AQR: variants seen among roughly 807,000 people sequenced by gnomAD.
AQR encodes the protein RNA helicase aquarius.
In AQR, 61 loss-of-function variants were observed where a neutral mutation model predicts 180.5. The ratio of observed to expected loss-of-function variants is 0.34; its 90% CI spans 0.28 to 0.42. The LOEUF is 0.42. AQR is among the 10% of genes least tolerant of loss of function. The pLI, the probability that AQR is intolerant of heterozygous loss-of-function variation, is 1.00. For synonymous variants in AQR, 551 were observed against 588.8 expected, an observed-to-expected ratio of 0.94 and a Z score of 0.93; for missense variants, 1,281 against 1,798.3, an observed-to-expected ratio of 0.71 and a Z score of 5.20.
chr15:34,938,670 A>G (rs1299485865), intron 9 of AQR, 67 bp downstream of exon 9: 6 of 988,342 alleles, frequency 6.1e-6, no homozygotes, highest in African/African-American at 1.6e-5. Context: ...TAGATTAGAG[A>G]TGAGTAAATA....
At chr15:34,938,652 A>G in intron 9 of AQR, 85 bp downstream of exon 9, 1 of 860,486 alleles carries the variant, frequency 1.2e-6, no homozygotes, top group Non-Finnish European at 1.9e-6. Context: ...CATTCCAAGA[A>G]CAGTTTTTAG....
At chr15:34,925,666 C>T (rs1893749835) in intron 13 of AQR, among the ~76,000 whole-genome samples, 2 of 152,022 alleles carry the variant, frequency 1.3e-5, no homozygotes, top group Admixed American at 6.6e-5. Flanking sequence ...GGTGAAACCC[C>T]ATCTTTGCTA....
chr15:34,954,539 T>A (rs1894279163), intron 3 of AQR, among the ~76,000 whole-genome samples: 1 of 152,038 alleles, frequency 6.6e-6, no homozygotes, highest in Non-Finnish European at 1.5e-5. Flanking sequence ...ACTCCTGGGC[T>A]CAAGTAATCC....
chr15:34,896,296 A>G (rs549738092), intron 22 of AQR, among the ~76,000 whole-genome samples: 18 of 152,336 alleles, frequency 1.2e-4, no homozygotes, highest in Admixed American at 1.1e-3. Context: ...CAATGTATAC[A>G]GTCATCAAAA....
intron 27 of AQR, among the ~76,000 whole-genome samples, chr15:34,878,385 CAA>C (rs5811839): frequency 2.8e-3 from 118 of 41,650 alleles, no homozygotes; most frequent in African/African-American, 0.01. Context: ...GACTCTGTCT[CAA>C]AAAAAAAAAA....
intron 2 of AQR, among the ~76,000 whole-genome samples, chr15:34,963,528 A>G (rs1386757855): frequency 6.6e-6 from 1 of 152,208 alleles, no homozygotes; most frequent in Non-Finnish European, 1.5e-5. Context: ...TAAATGAACT[A>G]TCAAAAACTT....
At chr15:34,932,547 C>A (rs1893881086) in intron 10 of AQR, 113 bp from the exon 11 acceptor site, 7 of 721,762 alleles carry the variant, frequency 9.7e-6, no homozygotes, top group South Asian at 7.4e-5. Flanking sequence ...TACCCTCCAA[C>A]CTTCCAATAG....
At position 34,943,291 on chromosome 15, in the gene AQR, GC is replaced by G; in HGVS notation, c.471+996del. ...ACAAAGATTGTGCTAAGGCTTGAGT[GC>G]ATTGAGCCCAACTGCAGATCTAAGA... is the stretch of plus-strand genomic sequence containing the variant. On this transcript the variant is annotated intron_variant, in intron 6 of 34. Transcript: ENST00000156471. The G allele has an allele frequency of 2.6e-6, 4 of 1,564,446 alleles. No homozygotes were observed. In the South Asian group the frequency reaches 4.4e-5, roughly 17 times the overall value.
At chr15:34,868,115 G>C (rs1892763948) in intron 31 of AQR, 1 of 153,192 alleles carries the variant, frequency 6.5e-6, no homozygotes, top group African/African-American at 2.4e-5. Flanking sequence ...CAGATCGCTT[G>C]AGCCCAGGAG....
chr15:34,863,278 C>G (rs919039579), intron 32 of AQR: 2 of 394,360 alleles, frequency 5.1e-6, no homozygotes, highest in African/African-American at 4.0e-5. Context: ...ACAAAATAAC[C>G]AATGCACTTA....
chr15:34,904,102 AT>A (rs768335472), intron 19 of AQR, among the ~76,000 whole-genome samples: 4 of 152,228 alleles, frequency 2.6e-5, no homozygotes, highest in Non-Finnish European at 5.9e-5. Flanking sequence ...ATTCATCTAT[AT>A]TTTAAGTTTT....
At chr15:34,924,253 C>T (rs1893723503) in intron 13 of AQR, among the ~76,000 whole-genome samples, 1 of 152,112 alleles carries the variant, frequency 6.6e-6, no homozygotes, top group South Asian at 2.1e-4. Context: ...TTACTTCAAC[C>T]AAAACAATAT....
At chr15:34,862,768 A>G in intron 33 of AQR, 99 bp downstream of exon 33, 1 of 1,275,738 alleles carries the variant, frequency 7.8e-7, no homozygotes, top group Non-Finnish European at 1.1e-6. Context: ...GGACTAAATT[A>G]TCTATAATAA....
chr15:34,940,015 C>CA (rs796754894), intron 8 of AQR, among the ~76,000 whole-genome samples: 31 of 150,816 alleles, frequency 2.1e-4, no homozygotes, highest in South Asian at 6.3e-4. Context: ...GCTGGTGTTT[C>CA]AAAAAAAAAT....
intron 3 of AQR, among the ~76,000 whole-genome samples, chr15:34,953,629 T>C (rs7179833): frequency 0.77 from 117,046 of 152,176 alleles, 45,615 homozygotes; most frequent in Middle Eastern, 0.87. Flanking sequence ...AGACAGAATA[T>C]TGCCAAAGTA....
rs1227002929 is a variant in AQR at position 34,887,124 on chromosome 15, CA to C, written c.2682-464del. On this transcript the variant is annotated intron_variant, in intron 24 of 34. Transcript: ENST00000156471. ...TGGGCGACAAAGCAAGACTCCGTCT[CA>C]AAAAAAAAAAAGAAAAAGCTACTTA... Among the ~76,000 whole-genome samples the C allele has an allele frequency of 6.0e-3, 739 of 123,778 alleles. 1 individual carries two copies. The highest frequency in any genetic ancestry group is 9.3e-3 in the Admixed American group (113 of 12,092). 81.2% of individuals were successfully genotyped at this position (123,778 alleles called of 152,430 possible). A position where few individuals can be genotyped will look rare whatever the true frequency, so the allele number is the denominator to read the frequency against.
intron 29 of AQR, 87 bp downstream of exon 29, chr15:34,874,588 AAT>A: frequency 6.7e-7 from 1 of 1,489,302 alleles, no homozygotes; most frequent in Non-Finnish European, 9.2e-7. Context: ...CAAGAATGCT[AAT>A]AGTCTACACA....
intron 15 of AQR, among the ~76,000 whole-genome samples, chr15:34,916,237 G>A (rs1893583381): frequency 6.6e-6 from 1 of 152,022 alleles, no homozygotes; most frequent in Admixed American, 6.6e-5. Flanking sequence ...TTATTATTGT[G>A]CTCTGAACTT....
At chr15:34,967,043 A>C (rs1240788963) in intron 1 of AQR, among the ~76,000 whole-genome samples, 2 of 151,546 alleles carry the variant, frequency 1.3e-5, no homozygotes, top group African/African-American at 2.4e-5. Context: ...CGTCCGGCTA[A>C]TTTTGTATTT....
Sources: allele counts gnomAD v4.1 joint callset (sites outside exome capture counted in the v4.1 genomes callset), GRCh38; gene constraint gnomAD v4.1.1; transcripts MANE v1.5; gene names NCBI Gene and HGNC (gene_info 2026-07-23, HGNC 2026-07-21).